MEIOB: variants seen among roughly 807,000 people sequenced by gnomAD.
The protein encoded by MEIOB is meiosis specific with OB-fold.
In MEIOB, 50 loss-of-function variants were observed where a neutral mutation model predicts 53.1. The observed-to-expected ratio is 0.94, with a 90% CI of 0.75 to 1.19. The LOEUF is 1.19. Ranked by LOEUF, MEIOB falls within the 50% of genes most tolerant of loss-of-function variation. The pLI is 0.00. For missense variants in MEIOB, 551 were observed against 550.8 expected (o/e 1.00, Z 0.00); for synonymous variants, 192 against 182.5 (o/e 1.05, Z -0.42).
At chr16:1,837,395 G>A (rs904928908) in intron 13 of MEIOB, among the ~76,000 whole-genome samples, 7 of 152,138 alleles carry the variant, frequency 4.6e-5, no homozygotes, top group Non-Finnish European at 8.8e-5. Flanking sequence ...GGCCAAGAGA[G>A]GGGTCTCACT....
chr16:1,871,414 T>C lies in MEIOB; in HGVS notation c.-10+579A>G, dbSNP rs554035604. 6.6e-3 allele frequency among the ~76,000 whole-genome samples: 770 copies of C among 115,792 alleles called. 49 individuals are homozygous for C. The Admixed American group carries it at 0.07, about 11-fold the overall frequency. The allele number at this position is 115,792 out of a possible 152,430, so 76.0% of individuals were successfully genotyped here. A position where few individuals can be genotyped will look rare whatever the true frequency, so the allele number is the denominator to read the frequency against. ...TTTTGTATTTTTAGTAGAGACGGGG[T>C]TTCACCGTGTTAGCCAGGATGGTCT... On this transcript the variant is annotated intron_variant, in intron 1 of 13. Coordinates refer to ENST00000325962, the MANE Select transcript of MEIOB (RefSeq NM_001163560.3).
chr16:1,853,011 G>T, intron 9 of MEIOB, 28 bp downstream of exon 9: 1 of 1,327,414 alleles, frequency 7.5e-7, no homozygotes, highest in Non-Finnish European at 1.1e-6. Flanking sequence ...ATTTCCAAAG[G>T]GATAAAAGGT....
intron 12 of MEIOB, 80 bp from the exon 13 acceptor site, chr16:1,837,950 C>T (rs1898793132): frequency 2.8e-6 from 4 of 1,448,476 alleles, no homozygotes; most frequent in South Asian, 2.9e-5. Flanking sequence ...GTGAAACAAA[C>T]TTTCTCATTA....
At position 1,844,874 on chromosome 16, in the gene MEIOB, C is replaced by G. The variant is rs575464897; in HGVS notation, c.868G>C (p.Glu290Gln). 4 of 1,531,586 alleles carry G rather than the reference C, an allele frequency of 2.6e-6. No individual in the cohort carries two copies. In the Admixed American group the frequency reaches 5.3e-5, roughly 20 times the overall value. 94.9% of individuals were successfully genotyped at this position (1,531,586 alleles called of 1,614,324 possible). A position where few individuals can be genotyped will look rare whatever the true frequency, so the allele number is the denominator to read the frequency against. Residue 290 changes from glutamate to glutamine, a missense_variant, in exon 10 of 14, where the codon GAA becomes CAA. Physicochemically the swap from Glu to Gln is conservative, Grantham distance 29 (BLOSUM62 2). Transcript: ENST00000325962. ...AACGGTCACTTACAATTTATGGATT[C>G]TTTGAAATAACTGTCAATTTCATCA... is the stretch of plus-strand genomic sequence containing the variant. ...LDDEIDSYFK[E>Q]SINLSTIVDV...
Position 1,872,042 on chromosome 16 carries a change from C to A in MEIOB, c.-59G>T, listed in dbSNP as rs1367885013. On this transcript the variant is annotated 5_prime_UTR_variant, in exon 1 of 14. Coordinates refer to ENST00000325962, the MANE Select transcript of MEIOB (RefSeq NM_001163560.3). Reference sequence around the variant, plus strand: ...CCCCGGGCCTGCACAGCTGCCGCCGCGGCCTCGCGGACCTGGCCCGCCCGA... The same window carrying A: ...CCCCGGGCCTGCACAGCTGCCGCCGAGGCCTCGCGGACCTGGCCCGCCCGA... 6.6e-6 allele frequency: 1 copy of A among 151,160 alleles called. No individual in the cohort carries two copies. The highest frequency in any genetic ancestry group is 1.5e-5 in the Non-Finnish European group (1 of 67,772). 9.4% of individuals were successfully genotyped at this position (151,160 alleles called of 1,614,324 possible).
Position 1,841,836 on chromosome 16 carries a change from C to T in MEIOB, c.1018G>A (p.Val340Ile). The T allele has an allele frequency of 2.5e-6, 4 of 1,584,188 alleles. No homozygotes were observed. Among genetic ancestry groups the T allele is most frequent in the Non-Finnish European group, 3.4e-6 (4 of 1,167,104 alleles). Residue 340 changes from valine to isoleucine, a missense_variant, in exon 11 of 14, where the codon GTA becomes ATA. Physicochemically the swap from Val to Ile is conservative, Grantham distance 29. Coordinates refer to ENST00000325962, the MANE Select transcript of MEIOB (RefSeq NM_001163560.3). ...GATCCTTACCATCTATTTCGAACTA[C>T]TTTTGTAGTTTCATCATCAATGTTG... ...TLNIDDETTK[V>I]VRNRCSSCGY...
intron 7 of MEIOB, among the ~76,000 whole-genome samples, chr16:1,853,792 G>A (rs1225408995): frequency 6.6e-6 from 1 of 152,170 alleles, no homozygotes; most frequent in African/African-American, 2.4e-5. Flanking sequence ...TTCCCAGGAA[G>A]CACAGAGGGA....
At chr16:1,859,517 G>A (rs1488583928) in intron 5 of MEIOB, among the ~76,000 whole-genome samples, 1 of 152,080 alleles carries the variant, frequency 6.6e-6, no homozygotes, top group Non-Finnish European at 1.5e-5. Flanking sequence ...CTCCAGCCTG[G>A]GCAACAGAGT....
At position 1,857,808 on chromosome 16, in the gene MEIOB, G is replaced by T; in HGVS notation, c.455C>A (p.Ser152Ter). The change falls in exon 6 of 14, where the codon TCA (serine) becomes TAA (stop). Residue 152 changes from serine (S) to a stop codon, truncating the protein, a stop_gained. Transcript: ENST00000325962. LOFTEE classifies it high-confidence loss of function. ...TCCATTTGCAACAATGTCACCCAGT[G>T]AATAATAATCATGAGACTCTTTAAC... ...LPVKESHDYYSLGDIVANGHS... is the reference protein window; with the variant it reads ...LPVKESHDYY 6.4e-7 allele frequency: 1 copy of T among 1,551,794 alleles called. No homozygotes were observed. Among genetic ancestry groups the T allele is most frequent in the South Asian group, 1.2e-5 (1 of 83,990 alleles).
chr16:1,871,559 CTG>C (rs907325041), intron 1 of MEIOB, among the ~76,000 whole-genome samples: 23 of 109,938 alleles, frequency 2.1e-4, no homozygotes, highest in South Asian at 6.7e-4. Context: ...GAGTCTTGCT[CTG>C]TTGCCCAGAC....
chr16:1,854,103 G>A lies in MEIOB; in HGVS notation c.626C>T (p.Thr209Ile), dbSNP rs754949761. The change falls in exon 7 of 14, where the codon ACA becomes ATA. Residue 209 changes from threonine (T) to isoleucine (I), a missense_variant. Coordinates refer to ENST00000325962, the MANE Select transcript of MEIOB (RefSeq NM_001163560.3). ...YDETESSFAM[T>I]CWDNESILLA... ...TGGAACAGACATCGGTGTTTACCAT[G>A]TCATCGCAAAAGACGACTCTGTTTC... 5.2e-6 allele frequency: 8 copies of A among 1,540,174 alleles called. No individual in the cohort carries two copies. Among genetic ancestry groups the A allele is most frequent in the Non-Finnish European group, 7.0e-6 (8 of 1,136,996 alleles).
At chr16:1,839,630 G>A in intron 11 of MEIOB, 192 bp from the exon 12 acceptor site, 1 of 529,634 alleles carries the variant, frequency 1.9e-6, no homozygotes, top group African/African-American at 2.0e-5. Flanking sequence ...ATTCTCAGGA[G>A]TCATCTGAAA....
rs201686365 is a variant in MEIOB, at chr16:1,868,101, A to T, written c.69+6T>A. 2.7e-5 allele frequency: 39 copies of T among 1,464,958 alleles called. No homozygotes were observed. The highest frequency in any genetic ancestry group is 2.3e-5 in the Non-Finnish European group (25 of 1,072,582). 90.7% of individuals were successfully genotyped at this position (1,464,958 alleles called of 1,614,324 possible). A position where few individuals can be genotyped will look rare whatever the true frequency, so the allele number is the denominator to read the frequency against. ...GTAAGCAAATCACCACATTATTGAA[A>T]CCTACCAGATTAGCCATATTTGTCT... On this transcript the variant is annotated splice_donor_region_variant and intron_variant, in intron 2 of 13. Transcript: ENST00000325962.
At chr16:1,851,885 T>C (rs1899180337) in intron 9 of MEIOB, among the ~76,000 whole-genome samples, 1 of 152,194 alleles carries the variant, frequency 6.6e-6, no homozygotes, top group Non-Finnish European at 1.5e-5. Context: ...GATTACTCCA[T>C]TTCTTTAGCA....
chr16:1,863,762 T>C (rs1529926), intron 3 of MEIOB, among the ~76,000 whole-genome samples: 1,943 of 152,070 alleles, frequency 0.013, 44 homozygotes, highest in African/African-American at 0.045. Flanking sequence ...ATAATTAAAA[T>C]AAGTTATTTC....
intron 9 of MEIOB, among the ~76,000 whole-genome samples, chr16:1,849,246 C>G (rs1341335528): frequency 6.6e-6 from 1 of 151,444 alleles, no homozygotes; most frequent in African/African-American, 2.4e-5. Context: ...TGGTGAAACC[C>G]CATGTCTACT....
intron 1 of MEIOB, among the ~76,000 whole-genome samples, chr16:1,871,411 G>T (rs1899741942): frequency 8.5e-6 from 1 of 117,168 alleles, no homozygotes; most frequent in African/African-American, 3.2e-5. Flanking sequence ...AGTAGAGACG[G>T]GGTTTCACCG....
rs1245701112 is a variant in MEIOB at position 1,868,105 on chromosome 16, A to C, written c.69+2T>G. The C allele has an allele frequency of 6.7e-7, 1 of 1,484,274 alleles. No individual in the cohort carries two copies. The allele number at this position is 1,484,274 out of a possible 1,614,324, so 91.9% of individuals were successfully genotyped here. A position where few individuals can be genotyped will look rare whatever the true frequency, so the allele number is the denominator to read the frequency against. On this transcript the variant is annotated splice_donor_variant, in intron 2 of 13. Coordinates refer to ENST00000325962, the MANE Select transcript of MEIOB (RefSeq NM_001163560.3). LOFTEE classifies it high-confidence loss of function. ...GCAAATCACCACATTATTGAAACCT[A>C]CCAGATTAGCCATATTTGTCTGCAG...
At chr16:1,865,154 G>A (rs1279404869) in intron 3 of MEIOB, among the ~76,000 whole-genome samples, 1 of 152,058 alleles carries the variant, frequency 6.6e-6, no homozygotes, top group Non-Finnish European at 1.5e-5. Context: ...ACCAGGGGCT[G>A]GGCATGGTGG....
Sources: allele counts gnomAD v4.1 joint callset (sites outside exome capture counted in the v4.1 genomes callset), GRCh38; gene constraint gnomAD v4.1.1; transcripts MANE v1.5; gene names NCBI Gene and HGNC (gene_info 2026-07-23, HGNC 2026-07-21).